Variants in ARHGEF10L observed in about 807,000 individuals in gnomAD.
ARHGEF10L encodes rho guanine nucleotide exchange factor 10-like protein.
In ARHGEF10L, 69 loss-of-function variants were observed where a neutral mutation model predicts 141.2. The ratio of observed to expected loss-of-function variants is 0.49; its 90% CI spans 0.40 to 0.60. The LOEUF is 0.60. Among genes scored for constraint, ARHGEF10L ranks in the 20% least tolerant of loss-of-function variants. ARHGEF10L has a pLI of 0.00. For synonymous variants in ARHGEF10L, 711 were observed against 718.5 expected, an observed-to-expected ratio of 0.99 and a Z score of 0.17; for missense variants, 1,482 against 1,734.3, an observed-to-expected ratio of 0.85 and a Z score of 2.58.
chr1:17,688,163 G>A (rs1026802902), intron 27 of ARHGEF10L, among the ~76,000 whole-genome samples: 1 of 152,220 alleles, frequency 6.6e-6, no homozygotes, highest in Non-Finnish European at 1.5e-5. Context: ...CCAACGGGTG[G>A]TCTCTGTCCT....
intron 25 of ARHGEF10L, among the ~76,000 whole-genome samples, chr1:17,658,772 C>T (rs142423366): frequency 5.3e-5 from 8 of 151,398 alleles, no homozygotes; most frequent in African/African-American, 1.2e-4. Context: ...CCGAGGGCTC[C>T]GACGGAAAGG....
chr1:17,693,718 TGA>T (rs1307745143), intron 27 of ARHGEF10L, among the ~76,000 whole-genome samples: 2 of 152,148 alleles, frequency 1.3e-5, no homozygotes, highest in Non-Finnish European at 2.9e-5. Flanking sequence ...TTGTGTCAGA[TGA>T]GAGCAGGTAT....
At chr1:17,694,378 GCAC>G in intron 27 of ARHGEF10L, 1 of 157,312 alleles carries the variant, frequency 6.4e-6, no homozygotes, top group Admixed American at 6.0e-5. Flanking sequence ...TGTGAATCCC[GCAC>G]CTGGCTCTGG....
chr1:17,628,914 T>TC (rs920142343), intron 15 of ARHGEF10L, among the ~76,000 whole-genome samples: 1 of 152,214 alleles, frequency 6.6e-6, no homozygotes, highest in Non-Finnish European at 1.5e-5. Flanking sequence ...TCCTGTAGGG[T>TC]CCCCTGCAGT....
At chr1:17,681,814 C>T (rs936402384) in intron 26 of ARHGEF10L, among the ~76,000 whole-genome samples, 5 of 152,170 alleles carry the variant, frequency 3.3e-5, no homozygotes, top group Non-Finnish European at 7.3e-5. Flanking sequence ...TATCCAGTTC[C>T]TCCACAAACT....
intron 25 of ARHGEF10L, among the ~76,000 whole-genome samples, chr1:17,663,567 A>AG (rs952715286): frequency 6.6e-6 from 1 of 151,576 alleles, no homozygotes; most frequent in Non-Finnish European, 1.5e-5. Flanking sequence ...GAAAAAAAAA[A>AG]AAACAAAAAA....
chr1:17,534,566 C>G, the ARHGEF10L span, among the ~76,000 whole-genome samples: 1 of 151,268 alleles, frequency 6.6e-6, no homozygotes, highest in African/African-American at 2.4e-5. Flanking sequence ...TGGCCAGCCA[C>G]CATGCCTGGC....
chr1:17,657,561 G>C (rs981943407), intron 25 of ARHGEF10L, among the ~76,000 whole-genome samples: 3 of 152,072 alleles, frequency 2.0e-5, no homozygotes, highest in Non-Finnish European at 4.4e-5. Flanking sequence ...TGTGATTGCC[G>C]CGTCATCACA....
chr1:17,597,814 G>T (rs960784355), intron 4 of ARHGEF10L, among the ~76,000 whole-genome samples: 1 of 152,192 alleles, frequency 6.6e-6, no homozygotes, highest in Non-Finnish European at 1.5e-5. Flanking sequence ...TTGATAAGGT[G>T]CAGCGAGGAG....
At position 17,656,065 on chromosome 1, in the gene ARHGEF10L, G is replaced by T. The variant is rs2062226407; in HGVS notation, c.2668G>T (p.Val890Leu). Reference sequence around the variant, plus strand: ...GACAGTTGCTGACCCCTCGGCCACGGTGCATCCAACCATCTGCCTCGGGCT... The same window carrying T: ...GACAGTTGCTGACCCCTCGGCCACGTTGCATCCAACCATCTGCCTCGGGCT... Reference protein sequence around the residue: ...SPTVADPSATVHPTICLGLQD... With the variant: ...SPTVADPSATLHPTICLGLQD... The change falls in exon 24 of 29, where the codon GTG (valine) becomes TTG (leucine). Residue 890 changes from valine to leucine, a missense_variant. Coordinates refer to ENST00000361221, the MANE Select transcript of ARHGEF10L (RefSeq NM_018125.4). The surrounding 1 kb of genome is among the most constrained non-coding windows in gnomAD (Gnocchi z 4.9). 7.0e-6 allele frequency: 11 copies of T among 1,561,420 alleles called. No homozygotes were observed. The highest frequency in any genetic ancestry group is 9.5e-6 in the Non-Finnish European group (11 of 1,152,516).
chr1:17,569,551 G>T (rs1354852152), intron 1 of ARHGEF10L, among the ~76,000 whole-genome samples: 1 of 152,240 alleles, frequency 6.6e-6, no homozygotes, highest in African/African-American at 2.4e-5. Context: ...TCGTGGGACA[G>T]AGTGAACAGG....
At position 17,697,244 on chromosome 1, in the gene ARHGEF10L, T is replaced by C. The variant is rs2065579524; in HGVS notation, c.3704T>C (p.Ile1235Thr). Residue 1235 changes from isoleucine (I) to threonine (T), a missense_variant, in exon 29 of 29, where the codon ATT (isoleucine) becomes ACT (threonine). This residue lies in a region of ARHGEF10L where 858 missense variants were observed against 966.3 expected (regional missense o/e 0.89). Transcript: ENST00000361221. The surrounding 1 kb of genome is among the most constrained non-coding windows in gnomAD (Gnocchi z 4.8). ...PCARDAHRKE[I>T]CSVAIISGGQ... The stretch of plus-strand genomic sequence containing the variant: ...GCCCGCGACGCCCACCGCAAGGAGA[T>C]TTGCTCTGTGGCCATCATCTCCGGC... 1 of 1,612,426 alleles carries C rather than the reference T, an allele frequency of 6.2e-7. No homozygotes were observed. Among genetic ancestry groups the C allele is most frequent in the Non-Finnish European group, 8.5e-7 (1 of 1,179,752 alleles).
intron 25 of ARHGEF10L, among the ~76,000 whole-genome samples, chr1:17,660,885 C>A (rs2062582977): frequency 6.6e-6 from 1 of 152,184 alleles, no homozygotes; most frequent in Non-Finnish European, 1.5e-5. Flanking sequence ...GGGCTCCCAT[C>A]AGGCAGGGGC....
rs1312226361 is a variant in ARHGEF10L, at chr1:17,635,024, C to A, written c.1927+8C>A. ...CCTCAGGGCAGGCTCAGAGTGAGTA[C>A]CCCCTCTCTGTGCCCTGCGTTCGTC... On this transcript the variant is annotated splice_region_variant and intron_variant, in intron 18 of 28. Transcript: ENST00000361221. 5 of 1,613,638 alleles carry A rather than the reference C, an allele frequency of 3.1e-6. No individual in the cohort carries two copies. The highest frequency in any genetic ancestry group is 1.3e-5 in the African/African-American group (1 of 74,908).
At chr1:17,597,811 G>A (rs78555015) in intron 4 of ARHGEF10L, among the ~76,000 whole-genome samples, 2,265 of 152,256 alleles carry the variant, frequency 0.015, 57 homozygotes, top group African/African-American at 0.051. Flanking sequence ...GTTTTGATAA[G>A]GTGCAGCGAG....
chr1:17,526,110 C>A, the ARHGEF10L span, among the ~76,000 whole-genome samples: 1 of 152,122 alleles, frequency 6.6e-6, no homozygotes, highest in Non-Finnish European at 1.5e-5. Context: ...AGGGCCCTTC[C>A]CCTCTGAAAG....
intron 28 of ARHGEF10L, 152 bp downstream of exon 28, chr1:17,695,432 GTA>G: frequency 8.6e-7 from 1 of 1,167,040 alleles, no homozygotes; most frequent in Non-Finnish European, 1.2e-6. Flanking sequence ...ATGGTGGCCA[GTA>G]GAACTGAATC....
rs201681663 is a variant in ARHGEF10L, at chr1:17,619,448, C to T, written c.942+3C>T. On this transcript the variant is annotated splice_donor_region_variant and intron_variant, in intron 10 of 28. Coordinates refer to ENST00000361221, the MANE Select transcript of ARHGEF10L (RefSeq NM_018125.4). This position sits in a 1 kb window ranked among gnomAD's most constrained non-coding sequence, Gnocchi z 5.0. ...CAGAGGGCCTGAGCCCTCAGCAGGT[C>T]TGTGGGGGAGTGGGGCAGGTGGGGG... is the stretch of plus-strand genomic sequence containing the variant. 121 of 1,517,944 alleles carry T rather than the reference C, an allele frequency of 8.0e-5. No individual in the cohort carries two copies. Among genetic ancestry groups the T allele is most frequent in the Non-Finnish European group, 1.0e-4 (117 of 1,123,110 alleles). 94.0% of individuals were successfully genotyped at this position (1,517,944 alleles called of 1,614,324 possible).
At chr1:17,551,927 T>G (rs573422807) in intron 1 of ARHGEF10L, among the ~76,000 whole-genome samples, 1 of 152,098 alleles carries the variant, frequency 6.6e-6, no homozygotes. Flanking sequence ...CCGTCCACAG[T>G]CCCCGTGTGG....
Sources: gnomAD v4.1 joint callset for allele counts (sites outside exome capture counted in the v4.1 genomes callset) on GRCh38, gnomAD v4.1.1 for gene constraint, gnomAD v4.1.1 regional missense constraint, Gnocchi (gnomAD v3.1) non-coding constraint, MANE v1.5 for transcripts, NCBI Gene and HGNC (gene_info 2026-07-23, HGNC 2026-07-21) for gene names.